The following SORCS1 variants were observed in gnomAD, a reference collection of about 807,000 sequenced individuals.
SORCS1 encodes VPS10 domain-containing receptor SorCS1.
SORCS1 carries 60 observed loss-of-function variants against 146.1 expected under a neutral mutation model. The observed-to-expected ratio is 0.41, with a 90% CI of 0.33 to 0.51. The LOEUF (loss-of-function observed/expected upper bound fraction) is 0.51. SORCS1 is among the 20% of genes least tolerant of loss of function. SORCS1 has a pLI of 0.21. For missense variants in SORCS1, 1,352 were observed against 1,487.6 expected (o/e 0.91, Z 1.50); for synonymous variants, 637 against 584.0 (o/e 1.09, Z -1.31).
chr10:106,971,059 C>A (rs1252901412), intron 1 of SORCS1, among the ~76,000 whole-genome samples: 1 of 151,934 alleles, frequency 6.6e-6, no homozygotes, highest in East Asian at 1.9e-4. Flanking sequence ...CTGCTTCCAA[C>A]AACTTTTACA....
intron 22 of SORCS1, among the ~76,000 whole-genome samples, chr10:106,611,275 A>G (rs921777234): frequency 7.2e-5 from 11 of 152,152 alleles, no homozygotes; most frequent in Non-Finnish European, 1.2e-4. Context: ...TCAATTTTGC[A>G]GCTCCATCCT....
intron 2 of SORCS1, among the ~76,000 whole-genome samples, chr10:106,878,620 G>GCA (rs1554871217): frequency 1.1e-4 from 9 of 84,948 alleles, no homozygotes; most frequent in Admixed American, 2.4e-4. Flanking sequence ...AAACTACCTA[G>GCA]TATATATATA....
chr10:106,843,307 G>C (rs1050681834), intron 2 of SORCS1, among the ~76,000 whole-genome samples: 1 of 151,910 alleles, frequency 6.6e-6, no homozygotes, highest in African/African-American at 2.4e-5. Context: ...TATGAGTCTG[G>C]CTCTTTTATA....
At chr10:106,913,264 C>T (rs1952254046) in intron 2 of SORCS1, among the ~76,000 whole-genome samples, 1 of 152,130 alleles carries the variant, frequency 6.6e-6, no homozygotes, top group Non-Finnish European at 1.5e-5. Flanking sequence ...GTGGGCGCTT[C>T]GAATGTTCAT....
chr10:106,596,885 TG>T (rs1344380561), intron 24 of SORCS1, among the ~76,000 whole-genome samples: 5 of 152,192 alleles, frequency 3.3e-5, no homozygotes, highest in African/African-American at 7.2e-5. Flanking sequence ...ACCTTCTCAC[TG>T]GGTCACCCAG....
At chr10:107,173,436 T>C in the SORCS1 span, among the ~76,000 whole-genome samples, 7 of 152,102 alleles carry the variant, frequency 4.6e-5, no homozygotes, top group Non-Finnish European at 1.0e-4. Flanking sequence ...GGGATGGAGA[T>C]GTTAATTTGC....
At chr10:106,688,605 G>A (rs1020394437) in intron 9 of SORCS1, among the ~76,000 whole-genome samples, 6 of 152,172 alleles carry the variant, frequency 3.9e-5, no homozygotes, top group Non-Finnish European at 5.9e-5. Context: ...TAGGCTGACA[G>A]GAGCCCGCAG....
chr10:107,107,511 G>A (rs962923999), intron 1 of SORCS1, among the ~76,000 whole-genome samples: 1 of 152,230 alleles, frequency 6.6e-6, no homozygotes, highest in African/African-American at 2.4e-5. Flanking sequence ...CACTGAAGGA[G>A]TGGCTTGGCT....
At chr10:106,954,741 A>G (rs1194608528) in intron 2 of SORCS1, among the ~76,000 whole-genome samples, 4 of 151,992 alleles carry the variant, frequency 2.6e-5, no homozygotes, top group Admixed American at 2.0e-4. Flanking sequence ...GAGACCCAAT[A>G]TGTTTTTCTC....
At chr10:106,929,396 G>C (rs948714452) in intron 2 of SORCS1, among the ~76,000 whole-genome samples, 1 of 152,162 alleles carries the variant, frequency 6.6e-6, no homozygotes, top group South Asian at 2.1e-4. Context: ...GAATTAAAAA[G>C]AGATGTGAAT....
At chr10:107,017,718 C>T (rs561971750) in intron 1 of SORCS1, among the ~76,000 whole-genome samples, 15 of 152,314 alleles carry the variant, frequency 9.8e-5, no homozygotes, top group Non-Finnish European at 1.8e-4. Flanking sequence ...TGCATTAGCA[C>T]GATCTCAGCT....
At chr10:106,831,697 T>G (rs755826062) in intron 2 of SORCS1, among the ~76,000 whole-genome samples, 1 of 146,940 alleles carries the variant, frequency 6.8e-6, no homozygotes, top group Non-Finnish European at 1.5e-5. Flanking sequence ...AATTAAGGAT[T>G]TATTCTGGCT....
At chr10:106,957,929 G>A (rs1303427267) in intron 1 of SORCS1, among the ~76,000 whole-genome samples, 2 of 152,136 alleles carry the variant, frequency 1.3e-5, no homozygotes, top group African/African-American at 2.4e-5. Flanking sequence ...AACAGATTCC[G>A]TCTATGAGTC....
chr10:107,122,289 T>C (rs902327214), intron 1 of SORCS1, among the ~76,000 whole-genome samples: 2 of 152,228 alleles, frequency 1.3e-5, no homozygotes, highest in African/African-American at 4.8e-5. Flanking sequence ...TCCATGTACT[T>C]TTCCTTCAAG....
At chr10:107,024,790 T>C (rs909645394) in intron 1 of SORCS1, among the ~76,000 whole-genome samples, 9 of 152,164 alleles carry the variant, frequency 5.9e-5, no homozygotes, top group Non-Finnish European at 1.0e-4. Context: ...CATTGGTAAT[T>C]TTTTCACAGA....
At chr10:106,794,350 C>T (rs988882875) in intron 3 of SORCS1, among the ~76,000 whole-genome samples, 7 of 152,112 alleles carry the variant, frequency 4.6e-5, no homozygotes, top group African/African-American at 1.4e-4. Context: ...AAAAAGCATA[C>T]ATTCTTAGCT....
chr10:106,860,934 G>T (rs771418593), intron 2 of SORCS1, among the ~76,000 whole-genome samples: 10 of 152,120 alleles, frequency 6.6e-5, no homozygotes, highest in Non-Finnish European at 1.5e-4. Flanking sequence ...CTTCCCCCCA[G>T]TTGTGAATGC....
At chr10:106,617,433 C>T (rs1340396636) in intron 21 of SORCS1, among the ~76,000 whole-genome samples, 1 of 152,190 alleles carries the variant, frequency 6.6e-6, no homozygotes, top group Non-Finnish European at 1.5e-5. Flanking sequence ...ACTAGTAACA[C>T]TTAGTGCATA....
chr10:106,610,921 T>A (rs949003630), intron 22 of SORCS1, among the ~76,000 whole-genome samples: 2 of 151,854 alleles, frequency 1.3e-5, no homozygotes, highest in African/African-American at 4.8e-5. Flanking sequence ...CTACTTAAAA[T>A]ACGAAAAAAA....
Sources: gnomAD v4.1 joint callset for allele counts (sites outside exome capture counted in the v4.1 genomes callset) on GRCh38, gnomAD v4.1.1 for gene constraint, MANE v1.5 for transcripts, NCBI Gene and HGNC (gene_info 2026-07-23, HGNC 2026-07-21) for gene names.